Variants in GMPS observed in about 807,000 individuals in gnomAD.
GMPS encodes the protein guanosine monophosphate synthase.
A neutral mutation model predicts 77.9 loss-of-function variants in GMPS; 15 were observed. The observed-to-expected ratio is 0.19, with a 90% confidence interval of 0.13 to 0.30. GMPS has a LOEUF of 0.30. Ranked by LOEUF, GMPS falls within the 10% of genes least tolerant of loss-of-function variation. GMPS has a pLI of 1.00. For synonymous variants in GMPS, 224 were observed against 275.9 expected (o/e 0.81, Z 1.86); for missense variants, 590 against 838.8 (o/e 0.70, Z 3.66).
intron 8 of GMPS, 61 bp from the exon 9 acceptor site, chr3:155,915,958 A>G: frequency 9.0e-7 from 1 of 1,112,964 alleles, no homozygotes; most frequent in Non-Finnish European, 1.3e-6. Flanking sequence ...CTGAAAGTAT[A>G]AACTTTTGCT....
rs1023223404 is a variant in GMPS at position 155,930,466 on chromosome 3, C to T, written c.1561-1299C>T. Among the ~76,000 whole-genome samples the T allele has an allele frequency of 4.1e-5, 6 of 148,050 alleles. No individual in the cohort carries two copies. In the East Asian group the frequency reaches 1.2e-3, roughly 29 times the overall value. On this transcript the variant is annotated intron_variant, in intron 12 of 15. Coordinates refer to ENST00000496455, the MANE Select transcript of GMPS (RefSeq NM_003875.3). ...TAGGCATGGGCAAGGACTTCATGTC[C>T]AAAACACCAAAAGCAATGGCAACAA...
At chr3:155,912,884 G>GC (rs1246001351) in intron 7 of GMPS, among the ~76,000 whole-genome samples, 1 of 152,152 alleles carries the variant, frequency 6.6e-6, no homozygotes, top group Non-Finnish European at 1.5e-5. Flanking sequence ...CTCTGGGTTA[G>GC]CCTAAAACAG....
At chr3:155,888,966 C>T (rs1039026189) in intron 1 of GMPS, among the ~76,000 whole-genome samples, 1 of 152,098 alleles carries the variant, frequency 6.6e-6, no homozygotes, top group Non-Finnish European at 1.5e-5. Context: ...AGCGATCTGC[C>T]TCCCTCCACT....
At chr3:155,878,253 C>G (rs1754107205) in intron 1 of GMPS, among the ~76,000 whole-genome samples, 1 of 152,204 alleles carries the variant, frequency 6.6e-6, no homozygotes, top group African/African-American at 2.4e-5. Context: ...CATTTTGTGA[C>G]TAGAATCTTA....
rs1329384949 is a variant in GMPS, at chr3:155,942,608, C to T, written c.*4916C>T. ...CCTATATTATGTTGTGTGTCAGACA[C>T]TCCCAGGACCTGTTTGGTAATAATT... On this transcript the variant is annotated 3_prime_UTR_variant, in exon 16 of 16. Transcript: ENST00000496455. 1 of 228,938 alleles carries T rather than the reference C, an allele frequency of 4.4e-6. No homozygotes were observed. Among genetic ancestry groups the T allele is most frequent in the African/African-American group, 2.2e-5 (1 of 45,078 alleles). 14.2% of individuals were successfully genotyped at this position (228,938 alleles called of 1,614,324 possible).
At chr3:155,893,212 C>T (rs184536390) in intron 1 of GMPS, among the ~76,000 whole-genome samples, 5 of 152,204 alleles carry the variant, frequency 3.3e-5, no homozygotes, top group East Asian at 1.9e-4. Context: ...TATATTTTGG[C>T]GCAGCTGGAT....
At chr3:155,876,692 G>A (rs1241493531) in intron 1 of GMPS, among the ~76,000 whole-genome samples, 1 of 152,180 alleles carries the variant, frequency 6.6e-6, no homozygotes, top group Non-Finnish European at 1.5e-5. Flanking sequence ...ATTGTTCTGA[G>A]TTTGGCTCTG....
intron 1 of GMPS, among the ~76,000 whole-genome samples, chr3:155,873,264 T>A (rs1753945483): frequency 6.6e-6 from 1 of 152,126 alleles, no homozygotes; most frequent in South Asian, 2.1e-4. Flanking sequence ...TTATTTTTTA[T>A]ACACAATATT....
chr3:155,916,208 A>G lies in GMPS; in HGVS notation c.1212+16A>G. On this transcript the variant is annotated intron_variant, in intron 9 of 15. Coordinates refer to ENST00000496455, the MANE Select transcript of GMPS (RefSeq NM_003875.3). ...GAGAGAGGAGGTAAAAGTTTATGAA[A>G]ACTTTTTCATAAAGTAGATACATGG... The G allele has an allele frequency of 6.4e-7, 1 of 1,560,808 alleles. No homozygotes were observed. The highest frequency in any genetic ancestry group is 8.8e-7 in the Non-Finnish European group (1 of 1,136,484).
rs192571113 is a variant in GMPS at position 155,874,595 on chromosome 3, G to T, written c.27+3698G>T. Among the ~76,000 whole-genome samples the T allele has an allele frequency of 1.6e-4, 25 of 152,126 alleles. 1 individual carries two copies. Among genetic ancestry groups the T allele is most frequent in the Non-Finnish European group, 2.9e-5 (2 of 68,000 alleles). ...ATTCATTTAGAGTGGAAGAACTGCT[G>T]CAGACAAAAGGAATGGTTTTTAGTG... is the stretch of plus-strand genomic sequence containing the variant. On this transcript the variant is annotated intron_variant, in intron 1 of 15. Transcript: ENST00000496455.
At chr3:155,906,290 T>G in intron 5 of GMPS, 27 bp downstream of exon 5, 1 of 1,435,532 alleles carries the variant, frequency 7.0e-7, no homozygotes, top group South Asian at 1.2e-5. Context: ...TTTTGCAGAG[T>G]TCATTTAAAA....
At chr3:155,889,672 A>G (rs754386581) in intron 1 of GMPS, among the ~76,000 whole-genome samples, 19 of 152,152 alleles carry the variant, frequency 1.2e-4, no homozygotes, top group Non-Finnish European at 2.2e-4. Context: ...AAATCACAAA[A>G]CATTTCCATA....
rs1755892020 is a variant in GMPS at position 155,941,563 on chromosome 3, T to C, written c.*3871T>C. ...TGCTTGCGCAATGTTATAACCACTT[T>C]CCCACACTACTCCCCTCCAGAAATC... On this transcript the variant is annotated 3_prime_UTR_variant, in exon 16 of 16. Coordinates refer to ENST00000496455, the MANE Select transcript of GMPS (RefSeq NM_003875.3). 1 of 221,140 alleles carries C rather than the reference T, an allele frequency of 4.5e-6. No homozygotes were observed. The highest frequency in any genetic ancestry group is 2.2e-5 in the African/African-American group (1 of 44,712). 13.7% of individuals were successfully genotyped at this position (221,140 alleles called of 1,614,324 possible).
At chr3:155,898,143 G>A in intron 3 of GMPS, 102 bp downstream of exon 3, 3 of 731,920 alleles carry the variant, frequency 4.1e-6, no homozygotes, top group Non-Finnish European at 7.5e-6. Flanking sequence ...AGGATACTTA[G>A]TTGGATGAGA....
At chr3:155,908,400 T>C (rs988063841) in intron 5 of GMPS, among the ~76,000 whole-genome samples, 4 of 152,356 alleles carry the variant, frequency 2.6e-5, no homozygotes, top group Non-Finnish European at 4.4e-5. Flanking sequence ...AGAGTTTTTT[T>C]CCCTTTTTCT....
Position 155,911,100 on chromosome 3 carries a change from A to G in GMPS, c.721-14A>G. 1.3e-6 allele frequency: 2 copies of G among 1,573,374 alleles called. No homozygotes were observed. The highest frequency in any genetic ancestry group is 1.7e-6 in the Non-Finnish European group (2 of 1,160,596). On this transcript the variant is annotated splice_polypyrimidine_tract_variant and intron_variant, in intron 6 of 15. Coordinates refer to ENST00000496455, the MANE Select transcript of GMPS (RefSeq NM_003875.3). ...CTTGTTTTGCTCATTTTGATTTTTC[A>G]TTTTACCCCGTAGGTTTTACTCAGT...
intron 1 of GMPS, among the ~76,000 whole-genome samples, chr3:155,872,646 CTTTG>C (rs1753933483): frequency 6.6e-6 from 1 of 152,010 alleles, no homozygotes; most frequent in African/African-American, 2.4e-5. Flanking sequence ...GGTATTTTTT[CTTTG>C]TTTTGCTCTA....
intron 12 of GMPS, among the ~76,000 whole-genome samples, chr3:155,930,243 AAAAC>A (rs1755577005): frequency 6.7e-6 from 1 of 148,826 alleles, no homozygotes; most frequent in Non-Finnish European, 1.5e-5. Context: ...AAACCTGAGA[AAAAC>A]AAGCAATGGG....
chr3:155,879,799 C>T (rs1167635528), intron 1 of GMPS, among the ~76,000 whole-genome samples: 77 of 134,572 alleles, frequency 5.7e-4, no homozygotes, highest in African/African-American at 2.0e-3. Context: ...GGTGTGATCT[C>T]AGCTCACTGC....
Sources: allele counts gnomAD v4.1 joint callset (sites outside exome capture counted in the v4.1 genomes callset), GRCh38; gene constraint gnomAD v4.1.1; transcripts MANE v1.5; gene names NCBI Gene and HGNC (gene_info 2026-07-23, HGNC 2026-07-21).